SMYD3: variants seen among roughly 807,000 people sequenced by gnomAD.
SMYD3 encodes the protein histone-lysine N-methyltransferase SMYD3.
In SMYD3, 36 loss-of-function variants were observed where a neutral mutation model predicts 57.7. The ratio of observed to expected loss-of-function variants is 0.62; its 90% CI spans 0.48 to 0.82. The LOEUF is 0.82. Ranked by LOEUF, SMYD3 falls within the 40% of genes least tolerant of loss-of-function variation. The pLI is 0.00. For missense variants in SMYD3, 515 were observed against 538.8 expected (o/e 0.96, Z 0.44); for synonymous variants, 211 against 195.0 (o/e 1.08, Z -0.68).
chr1:246,282,514 T>C (rs1459732234), intron 5 of SMYD3, among the ~76,000 whole-genome samples: 1 of 144,148 alleles, frequency 6.9e-6, no homozygotes, highest in East Asian at 2.0e-4. Context: ...TCAAAAAAAT[T>C]AATAATAATT....
chr1:246,089,089 T>C (rs1477496366), intron 5 of SMYD3, among the ~76,000 whole-genome samples: 1 of 152,108 alleles, frequency 6.6e-6, no homozygotes, highest in East Asian at 1.9e-4. Flanking sequence ...GAGATCCTCC[T>C]ACCTCAACCT....
At chr1:245,808,937 A>AT (rs1336456355) in intron 10 of SMYD3, among the ~76,000 whole-genome samples, 1 of 151,886 alleles carries the variant, frequency 6.6e-6, no homozygotes, top group African/African-American at 2.4e-5. Context: ...TAATGTTTGT[A>AT]TTTTTAGAAG....
chr1:246,226,505 G>A (rs1572240350), intron 5 of SMYD3, among the ~76,000 whole-genome samples: 3 of 152,278 alleles, frequency 2.0e-5, no homozygotes, highest in East Asian at 3.9e-4. Flanking sequence ...AGTTTGCCTA[G>A]AATTGATTTT....
chr1:246,080,384 G>A (rs1298783685), intron 5 of SMYD3, among the ~76,000 whole-genome samples: 1 of 139,778 alleles, frequency 7.2e-6, no homozygotes, highest in Non-Finnish European at 1.6e-5. Flanking sequence ...GGCATGTGAG[G>A]GATCTAGGTT....
chr1:246,283,837 C>G (rs72776373), intron 5 of SMYD3, among the ~76,000 whole-genome samples: 1 of 152,258 alleles, frequency 6.6e-6, no homozygotes, highest in South Asian at 2.1e-4. Context: ...GCAGCACTTG[C>G]CAGCTTTCAC....
chr1:246,330,559 C>A, intron 3 of SMYD3, 22 bp from the exon 4 acceptor site: 1 of 1,571,888 alleles, frequency 6.4e-7, no homozygotes, highest in Non-Finnish European at 8.6e-7. Flanking sequence ...AAGGGGAAAA[C>A]GCCAATAACA....
chr1:245,799,627 G>A (rs1454061003), intron 10 of SMYD3, among the ~76,000 whole-genome samples: 3 of 152,246 alleles, frequency 2.0e-5, no homozygotes, highest in African/African-American at 7.2e-5. Context: ...TGTTAGTCAT[G>A]TGAGTAAACT....
chr1:246,436,725 C>T (rs543015871), intron 1 of SMYD3, among the ~76,000 whole-genome samples: 52 of 152,246 alleles, frequency 3.4e-4, no homozygotes, highest in Non-Finnish European at 6.3e-4. Context: ...ATCTGTGACC[C>T]AACATGCTCC....
intron 10 of SMYD3, among the ~76,000 whole-genome samples, chr1:245,804,594 T>C (rs992357765): frequency 3.3e-5 from 5 of 152,126 alleles, no homozygotes; most frequent in Non-Finnish European, 4.4e-5. Context: ...TAATTCCCAC[T>C]GTAGTGGTAG....
chr1:246,409,081 T>C (rs2066917419), intron 1 of SMYD3, among the ~76,000 whole-genome samples: 1 of 152,318 alleles, frequency 6.6e-6, no homozygotes, highest in African/African-American at 2.4e-5. Flanking sequence ...TATTAGCCCT[T>C]TGTCAGATGA....
chr1:246,393,229 TG>T (rs2066601616), intron 1 of SMYD3, among the ~76,000 whole-genome samples: 1 of 152,142 alleles, frequency 6.6e-6, no homozygotes, highest in African/African-American at 2.4e-5. Context: ...TTTAAATGAG[TG>T]AAGTATATGA....
intron 1 of SMYD3, among the ~76,000 whole-genome samples, chr1:246,382,928 C>T (rs2148754422): frequency 6.6e-6 from 1 of 152,342 alleles, no homozygotes; most frequent in East Asian, 1.9e-4. Flanking sequence ...CCCCTACAGA[C>T]ACATGCTCCA....
intron 5 of SMYD3, among the ~76,000 whole-genome samples, chr1:246,054,944 G>A (rs948631085): frequency 2.0e-5 from 3 of 151,236 alleles, no homozygotes; most frequent in Non-Finnish European, 4.4e-5. Context: ...GGGAGGCCGA[G>A]GCGGGCGGAT....
intron 1 of SMYD3, among the ~76,000 whole-genome samples, chr1:246,466,622 A>G (rs186150037): frequency 4.0e-4 from 61 of 152,288 alleles, no homozygotes; most frequent in Non-Finnish European, 6.6e-4. Context: ...CAACAAACCC[A>G]CATCACATGA....
At chr1:246,027,935 G>C (rs1443101456) in intron 5 of SMYD3, among the ~76,000 whole-genome samples, 1 of 152,172 alleles carries the variant, frequency 6.6e-6, no homozygotes, top group Non-Finnish European at 1.5e-5. Flanking sequence ...ATACTTCATA[G>C]AAGGAGATCA....
At chr1:245,832,806 G>A (rs536816705) in intron 10 of SMYD3, among the ~76,000 whole-genome samples, 26 of 152,148 alleles carry the variant, frequency 1.7e-4, no homozygotes, top group African/African-American at 4.1e-4. Flanking sequence ...CAAGTTTCAT[G>A]TGCCTTTTTT....
At chr1:246,150,374 AAAAATGAC>A (rs2061922861) in intron 5 of SMYD3, among the ~76,000 whole-genome samples, 1 of 152,126 alleles carries the variant, frequency 6.6e-6, no homozygotes, top group South Asian at 2.1e-4. Context: ...CTGTGGGAAC[AAAAATGAC>A]TCTGGTAAAG....
chr1:246,081,398 TTTTC>T (rs1467317833), intron 5 of SMYD3, among the ~76,000 whole-genome samples: 1 of 152,262 alleles, frequency 6.6e-6, no homozygotes, highest in East Asian at 1.9e-4. Flanking sequence ...GTTTTTCTTT[TTTTC>T]TTTTTTTTGA....
chr1:246,307,075 T>A (rs2064991868), intron 5 of SMYD3, among the ~76,000 whole-genome samples: 1 of 152,222 alleles, frequency 6.6e-6, no homozygotes, highest in Non-Finnish European at 1.5e-5. Context: ...AGGAGAAGCC[T>A]AATCACTCAG....
Sources: allele counts gnomAD v4.1 joint callset (sites outside exome capture counted in the v4.1 genomes callset), GRCh38; gene constraint gnomAD v4.1.1; transcripts MANE v1.5; gene names NCBI Gene and HGNC (gene_info 2026-07-23, HGNC 2026-07-21).